The following FCGR2A variants were observed in gnomAD, a reference collection of about 807,000 sequenced individuals.
The protein encoded by FCGR2A is Fc gamma receptor IIa.
In FCGR2A, 18 loss-of-function variants were observed where a neutral mutation model predicts 29.3. The observed-to-expected ratio is 0.62, with a 90% CI of 0.43 to 0.91. The LOEUF (loss-of-function observed/expected upper bound fraction) is 0.91, where lower values mean the gene tolerates loss of function less well. Ranked by LOEUF, FCGR2A falls within the 40% of genes least tolerant of loss-of-function variation. The pLI, the probability that FCGR2A is intolerant of heterozygous loss-of-function variation, is 0.00. For missense variants in FCGR2A, 287 were observed against 393.0 expected, an observed-to-expected ratio of 0.73 and a Z score of 2.28; for synonymous variants, 126 against 144.8, an observed-to-expected ratio of 0.87 and a Z score of 0.93.
At position 161,509,958 on chromosome 1, in the gene FCGR2A, T is replaced by C. The variant is rs774829021; in HGVS notation, c.503T>C (p.Leu168Ser). ...QNGKSQKFSH[L>S]DPTFSIPQAN... ...GGAAAATCCCAGAAATTCTCCCATT[T>C]GGATCCCACCTTCTCCATCCCACAA... The change falls in exon 4 of 7, where the codon TTG becomes TCG. Residue 168 changes from leucine (L) to serine (S), a missense_variant. By Grantham distance (145) the Leu-to-Ser change is moderately radical. Coordinates refer to ENST00000271450, the MANE Select transcript of FCGR2A (RefSeq NM_001136219.3). 1.8e-5 allele frequency: 29 copies of C among 1,613,890 alleles called. No homozygotes were observed. Among genetic ancestry groups the C allele is most frequent in the Admixed American group, 5.0e-5 (3 of 60,000 alleles).
downstream of FCGR2A, among the ~76,000 whole-genome samples, chr1:161,521,751 G>C (rs942900336): frequency 2.9e-4 from 44 of 152,162 alleles, no homozygotes; most frequent in African/African-American, 9.9e-4. Context: ...GCCACCATGT[G>C]AGACATGACT....
chr1:161,520,144 G>A (rs1392838084), downstream of FCGR2A, among the ~76,000 whole-genome samples: 1 of 151,964 alleles, frequency 6.6e-6, no homozygotes, highest in African/African-American at 2.4e-5. Context: ...CAAACTCTAT[G>A]TATTAGTCTG....
At position 161,509,781 on chromosome 1, in the gene FCGR2A, A is replaced by G. The variant is rs1331518867; in HGVS notation, c.365-39A>G. ...TGAGACTGAAAAACCCTTGGAATCTATCCTTACAACTTTTTCTTATCATAT... is the reference window on the plus strand; with the variant it reads ...TGAGACTGAAAAACCCTTGGAATCTGTCCTTACAACTTTTTCTTATCATAT... On this transcript the variant is annotated intron_variant, in intron 3 of 6. Coordinates refer to ENST00000271450, the MANE Select transcript of FCGR2A (RefSeq NM_001136219.3). 6 of 1,612,436 alleles carry G rather than the reference A, an allele frequency of 3.7e-6. No individual in the cohort carries two copies. In the East Asian group the frequency reaches 6.7e-5, roughly 18 times the overall value.
At chr1:161,522,984 A>G (rs182443801), downstream of FCGR2A, 1 of 152,232 alleles carries the variant, frequency 6.6e-6, no homozygotes, top group East Asian at 1.9e-4. Context: ...CCATCTATGG[A>G]GTAAGGGTTT....
At chr1:161,510,422 A>G (rs528495105) in intron 4 of FCGR2A, 6 of 508,658 alleles carry the variant, frequency 1.2e-5, no homozygotes, top group African/African-American at 1.2e-4. Flanking sequence ...CTCATGGCTC[A>G]TGTTATAGCC....
At chr1:161,520,599 C>T (rs1392053975), downstream of FCGR2A, among the ~76,000 whole-genome samples, 2 of 151,036 alleles carry the variant, frequency 1.3e-5, no homozygotes, top group Admixed American at 6.6e-5. Context: ...CATTAAAATG[C>T]ACCCAACAAT....
At chr1:161,506,291 T>G in intron 2 of FCGR2A, 43 bp from the exon 3 acceptor site, 1 of 1,610,848 alleles carries the variant, frequency 6.2e-7, no homozygotes, top group Non-Finnish European at 8.5e-7. Context: ...CACAGTCCCT[T>G]CAGGGTTATT....
intron 5 of FCGR2A, 151 bp downstream of exon 5, chr1:161,511,107 T>G (rs1268298998): frequency 6.2e-6 from 8 of 1,289,230 alleles, no homozygotes; most frequent in Non-Finnish European, 8.8e-6. Flanking sequence ...TAGTTCATCC[T>G]CAACAAGAGC....
At chr1:161,510,551 G>C (rs1675705278) in intron 4 of FCGR2A, among the ~76,000 whole-genome samples, 1 of 152,210 alleles carries the variant, frequency 6.6e-6, no homozygotes, top group South Asian at 2.1e-4. Flanking sequence ...CAGGGGCTAA[G>C]GGGAATCCTT....
rs1459037452 is a variant in FCGR2A at position 161,518,474 on chromosome 1, C to A, written c.*326C>A. The A allele has an allele frequency of 8.3e-6, 3 of 361,346 alleles. No individual in the cohort carries two copies. The highest frequency in any genetic ancestry group is 4.3e-5 in the Admixed American group (1 of 23,182). The allele number at this position is 361,346 out of a possible 1,614,324, so 22.4% of individuals were successfully genotyped here. A position where few individuals can be genotyped will look rare whatever the true frequency, so the allele number is the denominator to read the frequency against. ...TAGGGACTTTCTAAGAAGATACCTA[C>A]CCCCAAAAAACAATTATGTAATTGA... is the stretch of plus-strand genomic sequence containing the variant. On this transcript the variant is annotated 3_prime_UTR_variant, in exon 7 of 7. Transcript: ENST00000271450.
At chr1:161,510,355 G>A in intron 4 of FCGR2A, 1 of 658,094 alleles carries the variant, frequency 1.5e-6, no homozygotes, top group East Asian at 2.8e-5. Flanking sequence ...CCTCATTGAT[G>A]CAGAGGTTCC....
downstream of FCGR2A, among the ~76,000 whole-genome samples, chr1:161,520,924 T>C (rs1676429623): frequency 6.6e-6 from 1 of 151,752 alleles, no homozygotes; most frequent in South Asian, 2.1e-4. Flanking sequence ...TTTCCTTGCT[T>C]GCTGTTGGTC....
At chr1:161,509,650 G>C (rs1048811430) in intron 3 of FCGR2A, among the ~76,000 whole-genome samples, 170 bp from the exon 4 acceptor site, 2 of 152,192 alleles carry the variant, frequency 1.3e-5, no homozygotes, top group African/African-American at 4.8e-5. Flanking sequence ...AAGTCCCACA[G>C]ATATAATACC....
downstream of FCGR2A, chr1:161,523,811 G>C (rs1006012126): frequency 1.3e-5 from 2 of 151,730 alleles, no homozygotes; most frequent in South Asian, 2.1e-4. Context: ...TCCTAGATGA[G>C]AAAAAGAATT....
Position 161,505,542 on chromosome 1 carries a change from G to A in FCGR2A, c.75G>A (p.Leu25=). The change falls in exon 1 of 7, where the codon TTG becomes TTA. Residue 25 remains leucine, a synonymous_variant. Coordinates refer to ENST00000271450, the MANE Select transcript of FCGR2A (RefSeq NM_001136219.3). ...GGCTGCTTCAACCATTGACAGTTTT[G>A]CTGCTGCTGGGTGAGTGAGGGTCAT... The part of the protein sequence containing the change: ...NLWLLQPLTV[L]LLLASADSQA... 6.2e-7 allele frequency: 1 copy of A among 1,613,782 alleles called. No homozygotes were observed. Among genetic ancestry groups the A allele is most frequent in the Non-Finnish European group, 8.5e-7 (1 of 1,179,660 alleles).
intron 6 of FCGR2A, among the ~76,000 whole-genome samples, chr1:161,515,074 G>A (rs545237922): frequency 6.6e-5 from 10 of 152,376 alleles, no homozygotes; most frequent in East Asian, 1.9e-4. Flanking sequence ...CAGTGAGGAT[G>A]TTTAAATCTA....
chr1:161,509,683 C>G (rs1351782055), intron 3 of FCGR2A, 137 bp from the exon 4 acceptor site: 1 of 1,179,202 alleles, frequency 8.5e-7, no homozygotes, highest in African/African-American at 1.5e-5. Context: ...TAAGAGAATG[C>G]TCACATCTGT....
intron 3 of FCGR2A, among the ~76,000 whole-genome samples, chr1:161,507,077 T>C (rs1310007634): frequency 1.3e-5 from 2 of 152,284 alleles, no homozygotes; most frequent in African/African-American, 4.8e-5. Flanking sequence ...CAGAGGCTGA[T>C]AGGCTGTTGC....
At chr1:161,510,355 G>T in intron 4 of FCGR2A, 1 of 658,092 alleles carries the variant, frequency 1.5e-6, no homozygotes, top group South Asian at 1.7e-5. Context: ...CCTCATTGAT[G>T]CAGAGGTTCC....
Sources: gnomAD v4.1 joint callset for allele counts (sites outside exome capture counted in the v4.1 genomes callset) on GRCh38, gnomAD v4.1.1 for gene constraint, MANE v1.5 for transcripts, NCBI Gene and HGNC (gene_info 2026-07-23, HGNC 2026-07-21) for gene names.